The following SMARCC2 variants were observed in gnomAD, a reference collection of about 807,000 sequenced individuals.
SMARCC2 encodes the protein SWI/SNF complex subunit SMARCC2.
SMARCC2 carries 15 observed loss-of-function variants against 151.3 expected under a neutral mutation model. That is an observed-to-expected ratio of 0.10 (90% CI 0.07 to 0.15). The LOEUF is 0.15. SMARCC2 is among the 10% of genes least tolerant of loss of function. The pLI, the probability that SMARCC2 is intolerant of heterozygous loss-of-function variation, is 1.00. For missense variants in SMARCC2, 1,031 were observed against 1,599.7 expected (o/e 0.64, Z 6.06); for synonymous variants, 590 against 609.5 (o/e 0.97, Z 0.47).
rs1394993978 is a variant in SMARCC2 at position 56,167,983 on chromosome 12, C to CAT, written c.2850+76_2850+77insAT. 22 of 1,424,632 alleles carry CAT rather than the reference C, an allele frequency of 1.5e-5. No individual in the cohort carries two copies. The Admixed American group carries it at 3.6e-4, about 23-fold the overall frequency. The allele number at this position is 1,424,632 out of a possible 1,614,324, so 88.2% of individuals were successfully genotyped here. A position where few individuals can be genotyped will look rare whatever the true frequency, so the allele number is the denominator to read the frequency against. ...ACACACACACACACACACACACACA[C>CAT]ACACACACACACACACGCCCCTCCG... On this transcript the variant is annotated intron_variant, in intron 26 of 28. Transcript: ENST00000550164.
At chr12:56,168,503 T>C (rs1873276016) in intron 25 of SMARCC2, among the ~76,000 whole-genome samples, 1 of 151,996 alleles carries the variant, frequency 6.6e-6, no homozygotes, top group Non-Finnish European at 1.5e-5. Flanking sequence ...GCCTCCCCAG[T>C]ACCTGGGATT....
At chr12:56,184,727 TAGAC>T (rs1876895467) in intron 5 of SMARCC2, 113 bp downstream of exon 5, 2 of 658,258 alleles carry the variant, frequency 3.0e-6, no homozygotes, top group African/African-American at 1.8e-5. Flanking sequence ...TTTTTCCAAG[TAGAC>T]AGAGCCACCT....
chr12:56,170,286 T>A (rs77019706), intron 22 of SMARCC2, 78 bp from the exon 23 acceptor site: 2 of 1,273,482 alleles, frequency 1.6e-6, no homozygotes, highest in Middle Eastern at 3.7e-4. Context: ...TCTTTTTTTT[T>A]AGAGACAGGG....
In SMARCC2 at chr12:56,173,124, G is replaced by T. The variant is rs532944712; in HGVS notation, c.1651-95C>A. The T allele has an allele frequency of 6.0e-6, 6 of 995,466 alleles. No individual in the cohort carries two copies. The African/African-American group carries it at 8.0e-5, about 13-fold the overall frequency. The allele number at this position is 995,466 out of a possible 1,614,324, so 61.7% of individuals were successfully genotyped here. On this transcript the variant is annotated intron_variant, in intron 17 of 28. Transcript: ENST00000550164. ...AGACCATATGCTGGGCGGCCCACAA[G>T]CTCTGGGGGCACTCATGCCACTGTT...
chr12:56,163,712 T>C lies in SMARCC2; in HGVS notation c.3715A>G (p.Thr1239Ala). 1 of 1,503,528 alleles carries C rather than the reference T, an allele frequency of 6.7e-7. No homozygotes were observed. The highest frequency in any genetic ancestry group is 1.5e-5 in the African/African-American group (1 of 67,670). 93.1% of individuals were successfully genotyped at this position (1,503,528 alleles called of 1,614,324 possible). ...DPTAPSPGTV[T>A]PVPPPQ ...CCTCACTGTGGAGGTGGCACAGGGG[T>C]GACCGTGCCTGGGCTCGGGGCTGTG... Residue 1239 changes from threonine to alanine, a missense_variant, in exon 29 of 29, where the codon ACC becomes GCC. Transcript: ENST00000550164.
chr12:56,176,701 C>A (rs569661056), intron 15 of SMARCC2, among the ~76,000 whole-genome samples: 2 of 151,312 alleles, frequency 1.3e-5, no homozygotes, highest in African/African-American at 4.9e-5. Context: ...AGTGCAGTGG[C>A]GTGATCTCGG....
intron 10 of SMARCC2, 54 bp downstream of exon 10, chr12:56,181,428 C>T (rs1876178174): frequency 4.4e-6 from 5 of 1,134,036 alleles, no homozygotes; most frequent in Non-Finnish European, 6.3e-6. Flanking sequence ...TTCCTTCCTT[C>T]AACATGATGT....
intron 15 of SMARCC2, 93 bp downstream of exon 15, chr12:56,177,929 A>C: frequency 2.2e-6 from 2 of 909,322 alleles, no homozygotes; most frequent in Non-Finnish European, 1.7e-6. Flanking sequence ...AAGATGCTCA[A>C]GAAATGTTTG....
chr12:56,186,259 G>A lies in SMARCC2; in HGVS notation c.232-19C>T, dbSNP rs1197309209. On this transcript the variant is annotated intron_variant, in intron 2 of 28. Coordinates refer to ENST00000550164, the MANE Select transcript of SMARCC2 (RefSeq NM_001330288.2). ...ATTTGATCTACAAAATCAAGATACG[G>A]AAAAAGCATGTCAAGGTTCCACTGT... 1 of 1,486,524 alleles carries A rather than the reference G, an allele frequency of 6.7e-7. No homozygotes were observed. Among genetic ancestry groups the A allele is most frequent in the South Asian group, 1.1e-5 (1 of 88,318 alleles). The allele number at this position is 1,486,524 out of a possible 1,614,324, so 92.1% of individuals were successfully genotyped here. A position where few individuals can be genotyped will look rare whatever the true frequency, so the allele number is the denominator to read the frequency against.
At chr12:56,185,316 C>T (rs1877025847) in intron 3 of SMARCC2, 1 of 531,692 alleles carries the variant, frequency 1.9e-6, no homozygotes, top group Non-Finnish European at 3.4e-6. Flanking sequence ...GTAGCTGGGA[C>T]TATAGGCACA....
chr12:56,165,395 C>A lies in SMARCC2; in HGVS notation c.3155G>T (p.Gly1052Val). 1 of 1,508,442 alleles carries A rather than the reference C, an allele frequency of 6.6e-7. No homozygotes were observed. Among genetic ancestry groups the A allele is most frequent in the Non-Finnish European group, 8.8e-7 (1 of 1,131,326 alleles). The allele number at this position is 1,508,442 out of a possible 1,614,324, so 93.4% of individuals were successfully genotyped here. Residue 1052 changes from glycine to valine, a missense_variant, in exon 27 of 29, where the codon GGG (glycine) becomes GTG (valine). By Grantham distance (109) the Gly-to-Val change is moderately radical. This residue lies in a region of SMARCC2 where 310 missense variants were observed against 350.0 expected (regional missense o/e 0.89). Transcript: ENST00000550164. ...TCCAGCTGGTTGCTGCTGCTGTGGC[C>A]CTGCAGTTGACCCTGCCTGCCCAAT... ...EQIGQAGSTA[G>V]PQQQQPAGAP... is the part of the protein sequence containing the mutation.
rs773648 is a variant in SMARCC2 at position 56,176,882 on chromosome 12, C to T, written c.1382+1140G>A. 1.7e-3 allele frequency among the ~76,000 whole-genome samples: 262 copies of T among 151,852 alleles called. 1 individual carries two copies. Among genetic ancestry groups the T allele is most frequent in the Non-Finnish European group, 3.3e-3 (226 of 67,934 alleles). On this transcript the variant is annotated intron_variant, in intron 15 of 28. Transcript: ENST00000550164. ...TGTTGCCCAGGCTGGAGTGCAATGG[C>T]GTAATCTCGGCTCACTGCAACCTCC...
At chr12:56,178,933 G>A in intron 12 of SMARCC2, 64 bp downstream of exon 12, 1 of 1,602,350 alleles carries the variant, frequency 6.2e-7, no homozygotes, top group Admixed American at 1.7e-5. Context: ...TAGCGAAAAG[G>A]GGGCAGCTGA....
At chr12:56,179,330 C>T (rs772826364) in intron 11 of SMARCC2, among the ~76,000 whole-genome samples, 12 of 152,332 alleles carry the variant, frequency 7.9e-5, no homozygotes, top group African/African-American at 1.7e-4. Context: ...TATCTGTAAG[C>T]TTTTAATGGT....
At chr12:56,178,877 G>A (rs1301420852) in intron 12 of SMARCC2, 30 bp from the exon 13 acceptor site, 5 of 1,613,232 alleles carry the variant, frequency 3.1e-6, no homozygotes, top group Non-Finnish European at 4.2e-6. Context: ...ATGTAAGGCT[G>A]GAGCCTCCTG....
rs756414563 is a variant in SMARCC2 at position 56,184,949 on chromosome 12, G to A, written c.400-13C>T. 6.8e-6 allele frequency: 11 copies of A among 1,606,220 alleles called. No individual in the cohort carries two copies. Among genetic ancestry groups the A allele is most frequent in the Admixed American group, 1.7e-5 (1 of 59,962 alleles). ...ACAGGCAATTATTCTGTGGAGAGAA[G>A]AAATAGAATGAGATTATAGGAAAGG... On this transcript the variant is annotated splice_polypyrimidine_tract_variant and intron_variant, in intron 4 of 28. Transcript: ENST00000550164.
chr12:56,182,759 C>G (rs1285228950), intron 7 of SMARCC2, among the ~76,000 whole-genome samples: 1 of 146,914 alleles, frequency 6.8e-6, no homozygotes, highest in Non-Finnish European at 1.5e-5. Context: ...GCCTGGTCCA[C>G]AATTTTCTTT....
At chr12:56,164,934 C>A (rs557483354) in intron 27 of SMARCC2, among the ~76,000 whole-genome samples, 26 of 152,042 alleles carry the variant, frequency 1.7e-4, no homozygotes, top group Admixed American at 1.7e-3. Flanking sequence ...ACTACATGTA[C>A]GCACCACCAC....
In SMARCC2 at chr12:56,169,766, G is replaced by A; in HGVS notation, c.2548+10C>T. On this transcript the variant is annotated intron_variant, in intron 24 of 28. Transcript: ENST00000550164. ...TCCTGCACCCCCACCTACCCTTGTGGGAGGCTCACCTATTGGGTCTCCATC... is the reference window on the plus strand; with the variant it reads ...TCCTGCACCCCCACCTACCCTTGTGAGAGGCTCACCTATTGGGTCTCCATC... 1 of 1,614,010 alleles carries A rather than the reference G, an allele frequency of 6.2e-7. No individual in the cohort carries two copies. Among genetic ancestry groups the A allele is most frequent in the Admixed American group, 1.7e-5 (1 of 60,000 alleles).
Sources: gnomAD v4.1 joint callset for allele counts (sites outside exome capture counted in the v4.1 genomes callset) on GRCh38, gnomAD v4.1.1 for gene constraint, gnomAD v4.1.1 regional missense constraint, MANE v1.5 for transcripts, NCBI Gene and HGNC (gene_info 2026-07-23, HGNC 2026-07-21) for gene names.